Variants in DAOA observed in about 807,000 individuals in gnomAD.
The protein encoded by DAOA is D-amino acid oxidase regulator.
DAOA carries 15 observed loss-of-function variants against 16.4 expected under a neutral mutation model. The ratio of observed to expected loss-of-function variants is 0.91; its 90% CI spans 0.61 to 1.41. DAOA has a LOEUF of 1.41. Ranked by LOEUF, DAOA falls within the 40% of genes most tolerant of loss-of-function variation. The pLI is 0.00. For missense variants in DAOA, 230 were observed against 176.8 expected (o/e 1.30, Z -1.71); for synonymous variants, 75 against 59.1 (o/e 1.27, Z -1.23).
intron 4 of DAOA, among the ~76,000 whole-genome samples, chr13:105,476,873 G>A (rs1594110683): frequency 1.3e-5 from 2 of 152,032 alleles, no homozygotes; most frequent in East Asian, 3.9e-4. Context: ...CCCCTACAGA[G>A]CCCCTGTATT....
chr13:105,472,838 G>A (rs1877068860), intron 4 of DAOA, among the ~76,000 whole-genome samples, 153 bp downstream of exon 4: 1 of 152,036 alleles, frequency 6.6e-6, no homozygotes, highest in Non-Finnish European at 1.5e-5. Flanking sequence ...CTATTACATA[G>A]GAACCATTTT....
chr13:105,482,201 T>C (rs117532899), intron 4 of DAOA, among the ~76,000 whole-genome samples: 4,615 of 152,306 alleles, frequency 0.03, 98 homozygotes, highest in Non-Finnish European at 0.048. Context: ...CAAGATGAGA[T>C]ATGGGTAGGG....
rs1877040099 is a variant in DAOA at position 105,472,583 on chromosome 13, G to A, written c.179G>A (p.Gly60Glu). ...EGRETVTRKE[G>E]WKRRHEDGYL... ...AGAGAGACGGTAACAAGGAAAGAAGGATGGAAGAGAAGGCATGAGGACGGC... is the reference window on the plus strand; with the variant it reads ...AGAGAGACGGTAACAAGGAAAGAAGAATGGAAGAGAAGGCATGAGGACGGC... Residue 60 changes from glycine to glutamate, a missense_variant, in exon 4 of 6, where the codon GGA (glycine) becomes GAA (glutamate). Gly to Glu is a moderately conservative substitution (Grantham distance 98). Coordinates refer to ENST00000375936, the MANE Select transcript of DAOA (RefSeq NM_172370.5). The A allele has an allele frequency of 6.2e-7, 1 of 1,614,048 alleles. No individual in the cohort carries two copies. The highest frequency in any genetic ancestry group is 8.5e-7 in the Non-Finnish European group (1 of 1,179,956).
intron 4 of DAOA, among the ~76,000 whole-genome samples, chr13:105,488,913 C>T (rs1353273389): frequency 6.6e-6 from 1 of 152,158 alleles, no homozygotes; most frequent in Non-Finnish European, 1.5e-5. Flanking sequence ...AACTTGAAAG[C>T]CATCAAGATT....
chr13:105,472,378 T>C (rs1407630373), intron 3 of DAOA, among the ~76,000 whole-genome samples, 160 bp from the exon 4 acceptor site: 1 of 152,174 alleles, frequency 6.6e-6, no homozygotes, highest in Non-Finnish European at 1.5e-5. Context: ...ACAGATGACA[T>C]TTGAGTCTCT....
chr13:105,477,848 A>T (rs1877445255), intron 4 of DAOA, among the ~76,000 whole-genome samples: 1 of 152,240 alleles, frequency 6.6e-6, no homozygotes, highest in Non-Finnish European at 1.5e-5. Context: ...AAATAATAGA[A>T]TATCATGAGA....
intron 4 of DAOA, among the ~76,000 whole-genome samples, chr13:105,476,502 T>TAAAA (rs34460836): frequency 0.016 from 2,025 of 128,314 alleles, 43 homozygotes; most frequent in African/African-American, 0.05. Flanking sequence ...CATGAATCTG[T>TAAAA]AAAAAAAAAA....
chr13:105,481,035 C>T (rs1248591475), intron 4 of DAOA, among the ~76,000 whole-genome samples: 1 of 152,170 alleles, frequency 6.6e-6, no homozygotes, highest in Non-Finnish European at 1.5e-5. Context: ...CTAAAATTAT[C>T]ACAGCATCTA....
chr13:105,475,048 A>G (rs1040977152), intron 4 of DAOA: 157 of 985,638 alleles, frequency 1.6e-4, no homozygotes, highest in Non-Finnish European at 1.7e-4. Context: ...TTTGCTGGGC[A>G]CTTTATGGAA....
chr13:105,469,713 C>T (rs1336206641), intron 3 of DAOA, among the ~76,000 whole-genome samples: 1 of 152,138 alleles, frequency 6.6e-6, no homozygotes, highest in Non-Finnish European at 1.5e-5. Flanking sequence ...TTCTTTCTGT[C>T]ATAGCACTAA....
chr13:105,472,333 G>C (rs1292514541), intron 3 of DAOA, among the ~76,000 whole-genome samples: 2 of 152,096 alleles, frequency 1.3e-5, no homozygotes, highest in Non-Finnish European at 1.5e-5. Context: ...CTTCGTTTGG[G>C]CTTAATCTCA....
chr13:105,466,241 T>G lies in DAOA; in HGVS notation c.-48T>G, dbSNP rs778768195. On this transcript the variant is annotated 5_prime_UTR_variant, in exon 2 of 6. Coordinates refer to ENST00000375936, the MANE Select transcript of DAOA (RefSeq NM_172370.5). The stretch of plus-strand genomic sequence containing the variant: ...GATTTGGAAAGGGCATGGCAGGAGG[T>G]CTCATCTCTGCTTCACAATGCCGAT... The G allele has an allele frequency of 1.8e-5, 29 of 1,612,750 alleles. No individual in the cohort carries two copies. Among genetic ancestry groups the G allele is most frequent in the Non-Finnish European group, 2.4e-5 (28 of 1,179,358 alleles).
chr13:105,490,449 T>C (rs1334729411), intron 5 of DAOA: 2 of 152,800 alleles, frequency 1.3e-5, no homozygotes, highest in African/African-American at 2.4e-5. Context: ...GAATAGTTAG[T>C]GAATTTATGT....
At chr13:105,470,983 T>A (rs1245191841) in intron 3 of DAOA, among the ~76,000 whole-genome samples, 3 of 152,022 alleles carry the variant, frequency 2.0e-5, no homozygotes, top group Non-Finnish European at 4.4e-5. Flanking sequence ...ACAGATGGGG[T>A]TTCATCGTGT....
intron 4 of DAOA, among the ~76,000 whole-genome samples, chr13:105,474,598 T>C (rs1050742131): frequency 3.3e-5 from 5 of 152,122 alleles, no homozygotes; most frequent in South Asian, 2.1e-4. Context: ...GGTTTGGGGA[T>C]TGACTGACTA....
intron 3 of DAOA, among the ~76,000 whole-genome samples, chr13:105,468,232 T>C (rs564044776): frequency 1.3e-5 from 2 of 152,038 alleles, no homozygotes; most frequent in Non-Finnish European, 2.9e-5. Flanking sequence ...ATTAATTACA[T>C]CTATGAAGTC....
chr13:105,472,406 AC>A (rs1877021186), intron 3 of DAOA, 131 bp from the exon 4 acceptor site: 1 of 1,300,530 alleles, frequency 7.7e-7, no homozygotes, highest in African/African-American at 1.5e-5. Flanking sequence ...TTTTGTCTTA[AC>A]CAAAAACCTC....
chr13:105,484,209 C>A (rs1333390197), intron 4 of DAOA, among the ~76,000 whole-genome samples: 2 of 151,466 alleles, frequency 1.3e-5, no homozygotes, highest in Non-Finnish European at 2.9e-5. Context: ...TTTTTTTTTA[C>A]TTTCTATTTT....
intron 4 of DAOA, among the ~76,000 whole-genome samples, chr13:105,479,615 C>T (rs929477182): frequency 6.6e-6 from 1 of 152,178 alleles, no homozygotes; most frequent in African/African-American, 2.4e-5. Context: ...GGTCACCATT[C>T]CCTGTGGCTC....
Sources: allele counts gnomAD v4.1 joint callset (sites outside exome capture counted in the v4.1 genomes callset), GRCh38; gene constraint gnomAD v4.1.1; transcripts MANE v1.5; gene names NCBI Gene and HGNC (gene_info 2026-07-23, HGNC 2026-07-21).